The following NECTIN3 variants were observed in gnomAD, a reference collection of about 807,000 sequenced individuals.
NECTIN3 encodes the protein nectin cell adhesion molecule 3, also known as nectin-3.
In NECTIN3, 8 loss-of-function variants were observed where a neutral mutation model predicts 49.4. That is an observed-to-expected ratio of 0.16 (90% confidence interval 0.10 to 0.29). The LOEUF is 0.29. Among genes scored for constraint, NECTIN3 ranks in the 10% least tolerant of loss-of-function variants. The pLI, the probability that NECTIN3 is intolerant of heterozygous loss-of-function variation, is 1.00. For synonymous variants in NECTIN3, 277 were observed against 241.1 expected, an observed-to-expected ratio of 1.15 and a Z score of -1.38; for missense variants, 581 against 654.6, an observed-to-expected ratio of 0.89 and a Z score of 1.23.
At chr3:111,192,808 T>C (rs1453855562) in intron 1 of NECTIN3, among the ~76,000 whole-genome samples, 1 of 152,208 alleles carries the variant, frequency 6.6e-6, no homozygotes, top group Non-Finnish European at 1.5e-5. Context: ...AGTCGAGGTT[T>C]CTTTTGTTTG....
chr3:111,129,227 T>C (rs954571888), intron 5 of NECTIN3, among the ~76,000 whole-genome samples: 1 of 152,160 alleles, frequency 6.6e-6, no homozygotes, highest in Non-Finnish European at 1.5e-5. Flanking sequence ...CCTTCATGGT[T>C]ATATTTGAAA....
At chr3:111,130,864 T>C (rs904933586) in intron 5 of NECTIN3, among the ~76,000 whole-genome samples, 1 of 152,126 alleles carries the variant, frequency 6.6e-6, no homozygotes, top group Non-Finnish European at 1.5e-5. Flanking sequence ...TTTTGATGTA[T>C]ATTTTTCCCT....
chr3:111,072,650 A>T, intron 1 of NECTIN3: 1 of 1,419,862 alleles, frequency 7.0e-7, no homozygotes, highest in Non-Finnish European at 9.5e-7. Context: ...ACCCTGGAGA[A>T]GGCACCATTT....
intron 7 of NECTIN3, among the ~76,000 whole-genome samples, chr3:111,175,112 A>G (rs2107528814): frequency 6.6e-6 from 1 of 152,022 alleles, no homozygotes; most frequent in Non-Finnish European, 1.5e-5. Flanking sequence ...CACCACCTCC[A>G]GCCAAACTCC....
Position 111,134,346 on chromosome 3 carries a change from C to T in NECTIN3, c.*131C>T. 7.1e-7 allele frequency: 1 copy of T among 1,418,422 alleles called. No homozygotes were observed. Among genetic ancestry groups the T allele is most frequent in the South Asian group, 1.7e-5 (1 of 60,506 alleles). The allele number at this position is 1,418,422 out of a possible 1,614,324, so 87.9% of individuals were successfully genotyped here. Reference sequence around the variant, plus strand: ...GATTTTCAAGCTTACTTTTTATATTCTAATCTGACAAATGAAAATGTAAAA... The same window carrying T: ...GATTTTCAAGCTTACTTTTTATATTTTAATCTGACAAATGAAAATGTAAAA... On this transcript the variant is annotated 3_prime_UTR_variant, in exon 6 of 6. Transcript: ENST00000485303.
chr3:111,145,866 T>C (rs1035613688), intron 6 of NECTIN3, among the ~76,000 whole-genome samples: 2 of 152,194 alleles, frequency 1.3e-5, no homozygotes, highest in African/African-American at 4.8e-5. Flanking sequence ...ATGTCTTTGC[T>C]TCTCTAATTT....
chr3:111,095,245 C>A (rs2032518105), intron 1 of NECTIN3, among the ~76,000 whole-genome samples: 1 of 152,112 alleles, frequency 6.6e-6, no homozygotes, highest in Admixed American at 6.5e-5. Context: ...GAAAAATCTT[C>A]ATCTTGGAGT....
At chr3:111,181,956 CCTTT>C (rs1158349745) in intron 7 of NECTIN3, among the ~76,000 whole-genome samples, 3 of 151,666 alleles carry the variant, frequency 2.0e-5, no homozygotes, top group African/African-American at 4.8e-5. Context: ...TAATTTCAGT[CCTTT>C]CTTCTTTTCT....
intron 7 of NECTIN3, among the ~76,000 whole-genome samples, chr3:111,170,918 G>T (rs1047492973): frequency 3.9e-5 from 6 of 152,178 alleles, no homozygotes; most frequent in African/African-American, 1.4e-4. Context: ...CAAGGATTAA[G>T]TAATTTTACC....
In NECTIN3 at chr3:111,164,576, T is replaced by G. The variant is rs182066979; in HGVS notation, c.1221+17092T>G. On this transcript the variant is annotated intron_variant, in intron 7 of 8. Coordinates refer to the NECTIN3 transcript ENST00000493615. ...TGGAGGCAGAAATCCCAAATCAAGG[T>G]GTTGGCAAGGTGTCCAAGGTCCTGG... 2.6e-5 allele frequency among the ~76,000 whole-genome samples: 4 copies of G among 152,320 alleles called. No individual in the cohort carries two copies. In the East Asian group the frequency reaches 7.7e-4, roughly 29 times the overall value.
At chr3:111,183,224 A>G (rs2035658209) in intron 7 of NECTIN3, among the ~76,000 whole-genome samples, 1 of 152,044 alleles carries the variant, frequency 6.6e-6, no homozygotes, top group Admixed American at 6.6e-5. Context: ...TTATGTTTGA[A>G]GTCCGTTTTC....
intron 1 of NECTIN3, among the ~76,000 whole-genome samples, chr3:111,106,975 A>G (rs1327188482): frequency 6.6e-6 from 1 of 152,044 alleles, no homozygotes; most frequent in Non-Finnish European, 1.5e-5. Context: ...TAAAAAGTGT[A>G]GTGTCAAAAG....
chr3:111,167,074 G>T (rs1219947713), intron 7 of NECTIN3, among the ~76,000 whole-genome samples: 1 of 152,008 alleles, frequency 6.6e-6, no homozygotes, highest in African/African-American at 2.4e-5. Flanking sequence ...TTTTGCACAC[G>T]TAGGTGATTC....
intron 3 of NECTIN3, among the ~76,000 whole-genome samples, chr3:111,120,937 A>T (rs1424779671): frequency 6.6e-6 from 1 of 151,740 alleles, no homozygotes; most frequent in Non-Finnish European, 1.5e-5. Flanking sequence ...CTATTAGAAT[A>T]TAAATTTTAT....
At chr3:111,163,926 C>A (rs2035268466) in intron 7 of NECTIN3, among the ~76,000 whole-genome samples, 2 of 147,902 alleles carry the variant, frequency 1.4e-5, no homozygotes, top group South Asian at 4.3e-4. Context: ...AAAGATTTCC[C>A]AGTGACAAGG....
In NECTIN3 at chr3:111,072,194, G is replaced by T; in HGVS notation, c.160+17G>T. On this transcript the variant is annotated intron_variant, in intron 1 of 5. Coordinates refer to ENST00000485303, the MANE Select transcript of NECTIN3 (RefSeq NM_015480.3). ...GGCTCTGTGGTAGGTGAACCTCGGCGGCCGGCGTGGGCTGAGGGAGCCGCC... is the reference window on the plus strand; with the variant it reads ...GGCTCTGTGGTAGGTGAACCTCGGCTGCCGGCGTGGGCTGAGGGAGCCGCC... The T allele has an allele frequency of 6.5e-7, 1 of 1,536,522 alleles. No individual in the cohort carries two copies. The highest frequency in any genetic ancestry group is 8.7e-7 in the Non-Finnish European group (1 of 1,144,242).
upstream of NECTIN3, among the ~76,000 whole-genome samples, chr3:111,190,787 A>T (rs1357102469): frequency 1.3e-5 from 2 of 152,246 alleles, no homozygotes; most frequent in Non-Finnish European, 2.9e-5. Context: ...GACCATTAGC[A>T]ATGGCTAAGT....
intron 7 of NECTIN3, among the ~76,000 whole-genome samples, chr3:111,170,827 A>ACAGAT (rs1376127677): frequency 6.6e-6 from 1 of 152,138 alleles, no homozygotes; most frequent in African/African-American, 2.4e-5. Flanking sequence ...TTGCTAAAAC[A>ACAGAT]CAGATTTTAT....
intron 4 of NECTIN3, among the ~76,000 whole-genome samples, chr3:111,125,022 CT>C (rs869201432): frequency 0.017 from 1,552 of 90,266 alleles, 11 homozygotes; most frequent in African/African-American, 0.066. Context: ...TCTTTTCTTT[CT>C]TTTTTTTTTT....
Sources: allele counts gnomAD v4.1 joint callset (sites outside exome capture counted in the v4.1 genomes callset), GRCh38; gene constraint gnomAD v4.1.1; transcripts MANE v1.5; gene names NCBI Gene and HGNC (gene_info 2026-07-23, HGNC 2026-07-21).